The following HYCC2 variants were observed in gnomAD, a reference collection of about 807,000 sequenced individuals.
HYCC2 encodes hyccin PI4KA lipid kinase complex subunit 2.
the HYCC2 span, chr2:200,976,502 G>A: frequency 6.6e-6 from 1 of 152,056 alleles, no homozygotes; most frequent in East Asian, 1.9e-4. Flanking sequence ...GTCAACAACT[G>A]AAGTACTCAA....
At chr2:201,043,449 AG>A in the HYCC2 span, among the ~76,000 whole-genome samples, 4 of 149,822 alleles carry the variant, frequency 2.7e-5, no homozygotes, top group South Asian at 4.2e-4. Context: ...AAAAAAAAAA[AG>A]AAAGAAAAAT....
chr2:201,007,304 T>C, the HYCC2 span, among the ~76,000 whole-genome samples: 1 of 152,218 alleles, frequency 6.6e-6, no homozygotes, highest in Non-Finnish European at 1.5e-5. Context: ...CATCATAGCA[T>C]AGTCCAGCCT....
chr2:201,015,362 T>A, the HYCC2 span, among the ~76,000 whole-genome samples: 1 of 151,752 alleles, frequency 6.6e-6, no homozygotes, highest in Admixed American at 6.6e-5. Flanking sequence ...AAGCCCCTAG[T>A]ATCTCAGAAG....
At chr2:201,048,853 G>A in the HYCC2 span, among the ~76,000 whole-genome samples, 1 of 152,012 alleles carries the variant, frequency 6.6e-6, no homozygotes. Flanking sequence ...AAGCAGCAGG[G>A]CATGGCGGCT....
the HYCC2 span, among the ~76,000 whole-genome samples, chr2:201,062,115 A>G: frequency 1.2e-3 from 182 of 152,328 alleles, no homozygotes; most frequent in African/African-American, 4.1e-3. Flanking sequence ...AAAAAATTAT[A>G]AAATAAAGTA....
chr2:201,061,206 G>A, the HYCC2 span: 1 of 152,064 alleles, frequency 6.6e-6, no homozygotes, highest in Non-Finnish European at 1.5e-5. Flanking sequence ...GGAGGCCAAG[G>A]TGGGTGGATC....
At chr2:200,999,679 C>T in the HYCC2 span, among the ~76,000 whole-genome samples, 2 of 150,540 alleles carry the variant, frequency 1.3e-5, no homozygotes, top group Admixed American at 6.6e-5. Flanking sequence ...CGTGAGCCAC[C>T]GCACCCAGCC....
At chr2:200,998,009 C>T in the HYCC2 span, among the ~76,000 whole-genome samples, 2 of 152,144 alleles carry the variant, frequency 1.3e-5, no homozygotes, top group South Asian at 2.1e-4. Context: ...GCACTCCAGC[C>T]CGGGCAACAG....
At chr2:201,063,780 G>A in the HYCC2 span, 1 of 1,591,186 alleles carries the variant, frequency 6.3e-7, no homozygotes, top group South Asian at 1.1e-5. Context: ...TTTGGTGGCA[G>A]CCGTGGTGGT....
At chr2:201,034,194 G>C in the HYCC2 span, among the ~76,000 whole-genome samples, 1 of 151,996 alleles carries the variant, frequency 6.6e-6, no homozygotes, top group Non-Finnish European at 1.5e-5. Context: ...AATACTACTA[G>C]TTTTAAGACA....
chr2:201,009,005 A>C, the HYCC2 span: 1 of 1,613,364 alleles, frequency 6.2e-7, no homozygotes. Flanking sequence ...CCCTCTGAGG[A>C]TGAAGATCAC....
chr2:200,983,103 A>G, the HYCC2 span, among the ~76,000 whole-genome samples: 1 of 152,232 alleles, frequency 6.6e-6, no homozygotes, highest in Non-Finnish European at 1.5e-5. Flanking sequence ...GAAGAGAAGA[A>G]TATATAATAT....
the HYCC2 span, among the ~76,000 whole-genome samples, chr2:201,043,614 T>C: frequency 2.0e-5 from 3 of 151,404 alleles, no homozygotes; most frequent in Admixed American, 1.3e-4. Context: ...GTTCACGCCA[T>C]TCTCCTGCCT....
chr2:200,992,798 G>C, the HYCC2 span: 1 of 833,084 alleles, frequency 1.2e-6, no homozygotes, highest in South Asian at 1.6e-5. Flanking sequence ...AAAAGATTCA[G>C]TATTGTGTCG....
At chr2:200,993,373 T>C in the HYCC2 span, among the ~76,000 whole-genome samples, 18 of 152,162 alleles carry the variant, frequency 1.2e-4, no homozygotes, top group Admixed American at 2.0e-4. Flanking sequence ...CTGGGAAGTA[T>C]AGAGATCTCA....
chr2:201,065,931 A>G, the HYCC2 span, among the ~76,000 whole-genome samples: 6 of 152,236 alleles, frequency 3.9e-5, no homozygotes, highest in African/African-American at 1.4e-4. Context: ...AAATGAGAGA[A>G]GATTCAGAAC....
chr2:201,009,963 G>C, the HYCC2 span, among the ~76,000 whole-genome samples: 2 of 151,762 alleles, frequency 1.3e-5, no homozygotes, highest in African/African-American at 2.4e-5. Context: ...AATTAGCCGG[G>C]CGTGGTGGCA....
chr2:201,022,950 AG>A, the HYCC2 span: 1 of 1,540,330 alleles, frequency 6.5e-7, no homozygotes, highest in African/African-American at 1.4e-5. Context: ...AAACCACCAA[AG>A]GAAAACAAAA....
chr2:200,996,272 G>A, the HYCC2 span: 8 of 152,190 alleles, frequency 5.3e-5, no homozygotes, highest in African/African-American at 1.9e-4. Context: ...TCAGGCCTTG[G>A]CCTCCCATCA....
Sources: gnomAD v4.1 joint callset for allele counts (sites outside exome capture counted in the v4.1 genomes callset) on GRCh38, gnomAD v4.1.1 for gene constraint, MANE v1.5 for transcripts, NCBI Gene and HGNC (gene_info 2026-07-23, HGNC 2026-07-21) for gene names.